The following CSTPP1 variants were observed in gnomAD, a reference collection of about 807,000 sequenced individuals.
CSTPP1 encodes the protein centriolar satellite-associated tubulin polyglutamylase complex regulator 1, also known as UPF0705 protein C11orf49.
chr11:47,159,110 C>T, the CSTPP1 span, among the ~76,000 whole-genome samples: 1 of 152,232 alleles, frequency 6.6e-6, no homozygotes, highest in African/African-American at 2.4e-5. Flanking sequence ...TGCATGCCAC[C>T]CACAGCCTGG....
chr11:47,083,547 T>TA, the CSTPP1 span, among the ~76,000 whole-genome samples: 1 of 152,240 alleles, frequency 6.6e-6, no homozygotes, highest in African/African-American at 2.4e-5. Flanking sequence ...TGCACTCTGT[T>TA]ACATTCCCAG....
chr11:47,100,611 CAA>C, the CSTPP1 span, among the ~76,000 whole-genome samples: 1 of 152,058 alleles, frequency 6.6e-6, no homozygotes, highest in Non-Finnish European at 1.5e-5. Flanking sequence ...ACCAACGTGG[CAA>C]AACCCTATTT....
the CSTPP1 span, among the ~76,000 whole-genome samples, chr11:46,953,799 G>A: frequency 1.3e-5 from 2 of 152,156 alleles, no homozygotes; most frequent in Non-Finnish European, 2.9e-5. Flanking sequence ...TCTTAAAACC[G>A]CTTCACATGG....
the CSTPP1 span, among the ~76,000 whole-genome samples, chr11:46,963,867 ACTAGACCATAG>A: frequency 5.9e-5 from 9 of 152,026 alleles, no homozygotes; most frequent in Non-Finnish European, 8.8e-5. Context: ...ATGACCAATT[ACTAGACCATAG>A]CTAGACCATA....
At chr11:47,144,511 C>T in the CSTPP1 span, among the ~76,000 whole-genome samples, 4 of 152,176 alleles carry the variant, frequency 2.6e-5, no homozygotes, top group South Asian at 8.3e-4. Flanking sequence ...CTTGCTGTTA[C>T]AATTATGTTG....
the CSTPP1 span, among the ~76,000 whole-genome samples, chr11:47,060,735 A>T: frequency 6.6e-6 from 1 of 152,094 alleles, no homozygotes; most frequent in Admixed American, 6.6e-5. Flanking sequence ...AAATCTCACA[A>T]ATCGCCACTA....
the CSTPP1 span, among the ~76,000 whole-genome samples, chr11:47,083,429 T>C: frequency 6.6e-6 from 1 of 152,216 alleles, no homozygotes; most frequent in Non-Finnish European, 1.5e-5. Context: ...TACACACTTT[T>C]TTGTGAACAT....
chr11:46,986,640 T>C, the CSTPP1 span, among the ~76,000 whole-genome samples: 1 of 152,070 alleles, frequency 6.6e-6, no homozygotes, highest in Non-Finnish European at 1.5e-5. Flanking sequence ...GGCTAATTTT[T>C]GTATTATTGG....
the CSTPP1 span, among the ~76,000 whole-genome samples, chr11:47,092,258 G>C: frequency 6.6e-6 from 1 of 152,108 alleles, no homozygotes; most frequent in South Asian, 2.1e-4. Flanking sequence ...GGCTGTAAAA[G>C]GGAAAATTAT....
At chr11:47,070,573 A>G in the CSTPP1 span, among the ~76,000 whole-genome samples, 1 of 152,266 alleles carries the variant, frequency 6.6e-6, no homozygotes, top group East Asian at 1.9e-4. Flanking sequence ...AGCGGTTTCA[A>G]CCCTGCTTGC....
At chr11:47,145,266 G>A in the CSTPP1 span, among the ~76,000 whole-genome samples, 44 of 152,136 alleles carry the variant, frequency 2.9e-4, no homozygotes, top group Non-Finnish European at 4.0e-4. Context: ...CATTACAGGC[G>A]TGGGCCACCG....
chr11:47,106,270 G>A, the CSTPP1 span, among the ~76,000 whole-genome samples: 2 of 152,186 alleles, frequency 1.3e-5, no homozygotes, highest in African/African-American at 4.8e-5. Context: ...GGGGTGGGAA[G>A]GAGAACCGAT....
the CSTPP1 span, among the ~76,000 whole-genome samples, chr11:47,064,200 A>G: frequency 1.3e-5 from 2 of 152,042 alleles, no homozygotes; most frequent in East Asian, 3.9e-4. Flanking sequence ...GGAGTTCTTC[A>G]TGTATTCTGG....
At chr11:46,995,973 C>T in the CSTPP1 span, among the ~76,000 whole-genome samples, 7 of 152,058 alleles carry the variant, frequency 4.6e-5, no homozygotes, top group Non-Finnish European at 1.0e-4. Flanking sequence ...GTATTGGGTG[C>T]GTATATATTT....
At chr11:47,097,048 G>A in the CSTPP1 span, among the ~76,000 whole-genome samples, 1 of 150,760 alleles carries the variant, frequency 6.6e-6, no homozygotes, top group African/African-American at 2.4e-5. Context: ...CCGGGAGGGA[G>A]ATGGGGGGTC....
At chr11:46,983,034 A>G in the CSTPP1 span, among the ~76,000 whole-genome samples, 149,518 of 152,302 alleles carry the variant, frequency 0.98, 73,467 homozygotes, top group Non-Finnish European at 1. Flanking sequence ...AAGAACCCAT[A>G]TTCTTAACCA....
At chr11:47,092,915 G>T in the CSTPP1 span, among the ~76,000 whole-genome samples, 1 of 152,160 alleles carries the variant, frequency 6.6e-6, no homozygotes, top group East Asian at 1.9e-4. Flanking sequence ...CAGGGGCAGG[G>T]ATTTTCGTCT....
the CSTPP1 span, among the ~76,000 whole-genome samples, chr11:47,046,660 CTTTTT>C: frequency 2.0e-4 from 16 of 79,734 alleles, no homozygotes; most frequent in African/African-American, 7.8e-4. Flanking sequence ...ATCTTCTTTT[CTTTTT>C]TTTTTTTTTT....
chr11:47,036,272 T>TTA, the CSTPP1 span, among the ~76,000 whole-genome samples: 6 of 71,226 alleles, frequency 8.4e-5, 2 homozygotes, highest in Admixed American at 2.5e-4. Context: ...AATATATATA[T>TTA]TATATATTAT....
Sources: gnomAD v4.1 joint callset for allele counts (sites outside exome capture counted in the v4.1 genomes callset) on GRCh38, gnomAD v4.1.1 for gene constraint, MANE v1.5 for transcripts, NCBI Gene and HGNC (gene_info 2026-07-23, HGNC 2026-07-21) for gene names.